The following DIS3L2 variants were observed in gnomAD, a reference collection of about 807,000 sequenced individuals.
The protein encoded by DIS3L2 is DIS3-like exonuclease 2.
Under a neutral mutation model 97.5 loss-of-function variants are expected in DIS3L2, and 34 were observed. The observed-to-expected ratio is 0.35, with a 90% CI of 0.27 to 0.46. DIS3L2 has a LOEUF of 0.46. Ranked by LOEUF, DIS3L2 falls within the 20% of genes least tolerant of loss-of-function variation. The pLI, the probability that DIS3L2 is intolerant of heterozygous loss-of-function variation, is 1.00. For synonymous variants in DIS3L2, 435 were observed against 445.2 expected (o/e 0.98, Z 0.29); for missense variants, 1,038 against 1,146.0 (o/e 0.91, Z 1.36).
chr2:232,204,246 G>A (rs975609284), intron 9 of DIS3L2, among the ~76,000 whole-genome samples: 12 of 152,174 alleles, frequency 7.9e-5, no homozygotes, highest in African/African-American at 2.9e-4. Flanking sequence ...AGGTAGAGAT[G>A]TTAATACCTT....
At position 232,113,702 on chromosome 2, in the gene DIS3L2, C is replaced by T. The variant is rs990647625; in HGVS notation, c.602-16917C>T. Among the ~76,000 whole-genome samples the T allele has an allele frequency of 6.3e-4, 96 of 152,228 alleles. 7 individuals are homozygous for T. The highest frequency in any genetic ancestry group is 6.5e-5 in the Admixed American group (1 of 15,284). ...CCAACTCCATCTTGCCTCTAACCTC[C>T]AAGCTATCCTTGTTCATTCCTGGGA... On this transcript the variant is annotated intron_variant, in intron 6 of 20. Coordinates refer to ENST00000325385, the MANE Select transcript of DIS3L2 (RefSeq NM_152383.5).
intron 6 of DIS3L2, among the ~76,000 whole-genome samples, chr2:232,124,915 C>T (rs1219710751): frequency 6.6e-6 from 1 of 152,176 alleles, no homozygotes; most frequent in African/African-American, 2.4e-5. Flanking sequence ...AAATATAATT[C>T]TGATCATATT....
chr2:232,191,909 G>C (rs923747840), intron 9 of DIS3L2, among the ~76,000 whole-genome samples: 3 of 152,050 alleles, frequency 2.0e-5, no homozygotes, highest in Non-Finnish European at 4.4e-5. Context: ...AAAATATTAA[G>C]TCGCTACTCT....
chr2:232,332,940 A>C (rs1200415108), intron 16 of DIS3L2, among the ~76,000 whole-genome samples: 1 of 152,022 alleles, frequency 6.6e-6, no homozygotes, highest in East Asian at 1.9e-4. Context: ...AGGGGATCGC[A>C]TCCTGGGCTT....
chr2:232,314,309 C>A (rs926713105), intron 14 of DIS3L2, among the ~76,000 whole-genome samples: 1 of 152,108 alleles, frequency 6.6e-6, no homozygotes, highest in Non-Finnish European at 1.5e-5. Flanking sequence ...TATTTTTAAG[C>A]CCTGTAGAGT....
chr2:232,127,619 G>T (rs73003119), intron 6 of DIS3L2, among the ~76,000 whole-genome samples: 1,713 of 152,246 alleles, frequency 0.011, 17 homozygotes, highest in Non-Finnish European at 0.016. Context: ...TCTTGCCGTT[G>T]TACTTAAATT....
intron 13 of DIS3L2, among the ~76,000 whole-genome samples, chr2:232,279,829 T>A (rs893747530): frequency 2.0e-5 from 3 of 152,194 alleles, no homozygotes; most frequent in Non-Finnish European, 2.9e-5. Context: ...ACGCCTGGCC[T>A]GGAAAGGATT....
chr2:232,042,134 A>C (rs1695125215), intron 5 of DIS3L2, among the ~76,000 whole-genome samples: 1 of 152,154 alleles, frequency 6.6e-6, no homozygotes, highest in East Asian at 1.9e-4. Flanking sequence ...TGTTGATAGG[A>C]GTGGCTACTC....
chr2:232,031,496 CTT>C (rs142118818), intron 5 of DIS3L2, among the ~76,000 whole-genome samples: 8 of 135,750 alleles, frequency 5.9e-5, no homozygotes, highest in Admixed American at 7.3e-5. Context: ...TGCAGGGTTT[CTT>C]TTTTTTTTTT....
intron 6 of DIS3L2, among the ~76,000 whole-genome samples, chr2:232,122,181 C>T (rs767044769): frequency 2.0e-5 from 3 of 152,182 alleles, no homozygotes; most frequent in Non-Finnish European, 1.5e-5. Flanking sequence ...GCACAGCATA[C>T]ACCAGGCACA....
chr2:232,044,627 G>A (rs1020079613), intron 5 of DIS3L2, among the ~76,000 whole-genome samples: 2 of 152,166 alleles, frequency 1.3e-5, no homozygotes, highest in African/African-American at 2.4e-5. Flanking sequence ...GAGTTCAGAA[G>A]TCAGAGCTTG....
At chr2:232,336,129 C>T in intron 20 of DIS3L2, 1 of 1,538,122 alleles carries the variant, frequency 6.5e-7, no homozygotes, top group South Asian at 1.2e-5. Flanking sequence ...TGCAGGGGTG[C>T]TGGCCTTCTA....
At chr2:232,291,178 G>GT (rs1217044045) in intron 13 of DIS3L2, among the ~76,000 whole-genome samples, 26 of 152,170 alleles carry the variant, frequency 1.7e-4, no homozygotes, top group African/African-American at 6.3e-4. Context: ...CATTAACCAA[G>GT]TTAAAGCAAA....
chr2:232,297,634 A>G (rs1010004155), intron 13 of DIS3L2, among the ~76,000 whole-genome samples: 6 of 152,226 alleles, frequency 3.9e-5, no homozygotes, highest in Non-Finnish European at 8.8e-5. Flanking sequence ...ATGCAAAGAA[A>G]GTAATCACCT....
intron 9 of DIS3L2, among the ~76,000 whole-genome samples, chr2:232,205,626 T>C (rs1161471947): frequency 1.3e-5 from 2 of 151,550 alleles, no homozygotes; most frequent in Non-Finnish European, 2.9e-5. Context: ...AATTAGGAAA[T>C]GAGGTAAAAG....
At chr2:232,261,666 T>C (rs1693715327) in intron 12 of DIS3L2, among the ~76,000 whole-genome samples, 1 of 152,202 alleles carries the variant, frequency 6.6e-6, no homozygotes, top group Admixed American at 6.5e-5. Context: ...ACTCTGCCCC[T>C]GTCCTATATT....
At chr2:232,034,909 A>G (rs896000583) in intron 5 of DIS3L2, among the ~76,000 whole-genome samples, 11 of 152,178 alleles carry the variant, frequency 7.2e-5, no homozygotes. Context: ...TTTTAGAATA[A>G]GTGTGATGTG....
At chr2:232,040,322 C>T (rs1695074589) in intron 5 of DIS3L2, among the ~76,000 whole-genome samples, 2 of 152,154 alleles carry the variant, frequency 1.3e-5, no homozygotes, top group Admixed American at 6.5e-5. Flanking sequence ...TACTAACTCT[C>T]CCAGACATTG....
At chr2:232,001,715 CTTTTTTT>C (rs36048859) in intron 1 of DIS3L2, among the ~76,000 whole-genome samples, 2 of 60,044 alleles carry the variant, frequency 3.3e-5, no homozygotes, top group African/African-American at 1.1e-4. Flanking sequence ...ATCTTTAATT[CTTTTTTT>C]TTTTTTTTTT....
Sources: gnomAD v4.1 joint callset for allele counts (sites outside exome capture counted in the v4.1 genomes callset) on GRCh38, gnomAD v4.1.1 for gene constraint, MANE v1.5 for transcripts, NCBI Gene and HGNC (gene_info 2026-07-23, HGNC 2026-07-21) for gene names.